HAO1: variants seen among roughly 807,000 people sequenced by gnomAD.
The protein encoded by HAO1 is 2-Hydroxyacid oxidase 1.
Under a neutral mutation model 39.7 loss-of-function variants are expected in HAO1, and 34 were observed. That is an observed-to-expected ratio of 0.86 (90% CI 0.65 to 1.14). The LOEUF is 1.14. Among genes scored for constraint, HAO1 ranks in the 50% most tolerant of loss-of-function variants. The pLI is 0.00. For synonymous variants in HAO1, 172 were observed against 173.2 expected (o/e 0.99, Z 0.05); for missense variants, 479 against 464.5 (o/e 1.03, Z -0.29).
At chr20:7,919,842 A>C (rs970426392) in intron 2 of HAO1, among the ~76,000 whole-genome samples, 10 of 152,114 alleles carry the variant, frequency 6.6e-5, no homozygotes, top group African/African-American at 2.4e-4. Flanking sequence ...ATTATTTGTT[A>C]ATCTTCTCCA....
intron 2 of HAO1, among the ~76,000 whole-genome samples, chr20:7,916,254 T>C (rs998721802): frequency 2.0e-4 from 31 of 152,278 alleles, no homozygotes; most frequent in Admixed American, 1.1e-3. Context: ...TATAAAACAG[T>C]CAAATCTGTT....
intron 2 of HAO1, among the ~76,000 whole-genome samples, chr20:7,923,629 G>A (rs575909226): frequency 3.3e-5 from 5 of 152,294 alleles, no homozygotes; most frequent in South Asian, 2.1e-4. Context: ...AGTGTCATGT[G>A]TGAAGACCTG....
chr20:7,940,275 A>G lies in HAO1; in HGVS notation c.137+11T>C. 6.3e-7 allele frequency: 1 copy of G among 1,587,952 alleles called. No individual in the cohort carries two copies. The highest frequency in any genetic ancestry group is 1.2e-5 in the South Asian group (1 of 86,714). On this transcript the variant is annotated intron_variant, in intron 1 of 7. Transcript: ENST00000378789. ...TTTTAAAACATGATTTTAAAAAATAAATTTTCTTACCTGGAAAATGCTGCA... is the reference window on the plus strand; with the variant it reads ...TTTTAAAACATGATTTTAAAAAATAGATTTTCTTACCTGGAAAATGCTGCA...
intron 2 of HAO1, among the ~76,000 whole-genome samples, chr20:7,923,121 A>G (rs759651843): frequency 6.6e-6 from 1 of 152,126 alleles, no homozygotes; most frequent in Non-Finnish European, 1.5e-5. Context: ...TTCCTATACT[A>G]TGGAACCTAC....
chr20:7,889,049 C>T (rs988888877), intron 5 of HAO1, among the ~76,000 whole-genome samples: 3 of 152,080 alleles, frequency 2.0e-5, no homozygotes, highest in African/African-American at 4.8e-5. Flanking sequence ...AGATCTCAGC[C>T]CAAATTGCCA....
intron 3 of HAO1, among the ~76,000 whole-genome samples, chr20:7,907,406 G>T (rs913458011): frequency 6.6e-6 from 1 of 152,110 alleles, no homozygotes; most frequent in African/African-American, 2.4e-5. Context: ...TTCTGCCTAA[G>T]TTCCCAGAAT....
intron 3 of HAO1, among the ~76,000 whole-genome samples, chr20:7,910,906 CT>C (rs2050276451): frequency 6.6e-6 from 1 of 152,182 alleles, no homozygotes; most frequent in Admixed American, 6.5e-5. Context: ...TGTTATCTTG[CT>C]CATATTTGCA....
At chr20:7,921,563 A>G (rs911592720) in intron 2 of HAO1, among the ~76,000 whole-genome samples, 2 of 152,142 alleles carry the variant, frequency 1.3e-5, no homozygotes, top group Non-Finnish European at 1.5e-5. Flanking sequence ...CAAAGACCTG[A>G]GAGTTTTTCT....
intron 3 of HAO1, among the ~76,000 whole-genome samples, chr20:7,908,894 C>A (rs1375070070): frequency 6.6e-6 from 1 of 152,120 alleles, no homozygotes; most frequent in Non-Finnish European, 1.5e-5. Context: ...TATTTCATTA[C>A]ATACAAATGA....
At chr20:7,931,005 T>A (rs1336060428) in intron 2 of HAO1, among the ~76,000 whole-genome samples, 1 of 152,208 alleles carries the variant, frequency 6.6e-6, no homozygotes, top group Non-Finnish European at 1.5e-5. Context: ...ATCAGCTTTC[T>A]GGATACACCT....
At chr20:7,933,586 C>T (rs1009334492) in intron 2 of HAO1, among the ~76,000 whole-genome samples, 2 of 152,178 alleles carry the variant, frequency 1.3e-5, no homozygotes, top group East Asian at 3.8e-4. Flanking sequence ...TTCTGATATC[C>T]CTGACAGAAT....
At chr20:7,889,683 T>G (rs1300657021) in intron 5 of HAO1, among the ~76,000 whole-genome samples, 1 of 152,222 alleles carries the variant, frequency 6.6e-6, no homozygotes. Context: ...AACTCTGTGA[T>G]TTATATTAGC....
At chr20:7,937,683 A>G (rs747731509) in intron 1 of HAO1, among the ~76,000 whole-genome samples, 5 of 152,206 alleles carry the variant, frequency 3.3e-5, no homozygotes, top group Non-Finnish European at 7.3e-5. Context: ...CAACGTGAAG[A>G]CCATAGTTGA....
chr20:7,939,994 A>G (rs2050433268), intron 1 of HAO1, among the ~76,000 whole-genome samples: 1 of 152,216 alleles, frequency 6.6e-6, no homozygotes, highest in South Asian at 2.1e-4. Flanking sequence ...AAGAAAAGTC[A>G]TCCGAATTTA....
chr20:7,909,213 T>C (rs1349486239), intron 3 of HAO1, among the ~76,000 whole-genome samples: 1 of 151,772 alleles, frequency 6.6e-6, no homozygotes, highest in South Asian at 2.1e-4. Flanking sequence ...CAGTGCACAA[T>C]GAAGCCTTGT....
At position 7,930,669 on chromosome 20, in the gene HAO1, G is replaced by A. The variant is rs1363450946; in HGVS notation, c.289+3815C>T. Among the ~76,000 whole-genome samples, 4 of 152,140 alleles carry A rather than the reference G, an allele frequency of 2.6e-5. 1 individual carries two copies. The highest frequency in any genetic ancestry group is 7.2e-5 in the African/African-American group (3 of 41,428). On this transcript the variant is annotated intron_variant, in intron 2 of 7. Coordinates refer to ENST00000378789, the MANE Select transcript of HAO1 (RefSeq NM_017545.3). ...GGCAACTGGGACTCAATCCTTCCAA[G>A]GAACACTGGGTGACCATATTAGAAA...
At chr20:7,907,389 A>C (rs2050253591) in intron 3 of HAO1, among the ~76,000 whole-genome samples, 1 of 152,140 alleles carries the variant, frequency 6.6e-6, no homozygotes. Flanking sequence ...ACTAACTCTG[A>C]GATAAATTCT....
At chr20:7,906,095 G>A in intron 4 of HAO1, 59 bp downstream of exon 4, 3 of 1,121,934 alleles carry the variant, frequency 2.7e-6, no homozygotes, top group Non-Finnish European at 4.1e-6. Context: ...AGAATATTAT[G>A]AACGTATCCA....
chr20:7,914,009 G>C (rs1448676965), intron 3 of HAO1, among the ~76,000 whole-genome samples, 155 bp downstream of exon 3: 1 of 152,112 alleles, frequency 6.6e-6, no homozygotes, highest in African/African-American at 2.4e-5. Context: ...TGTTTCTATT[G>C]TGTATCTCAA....
Sources: allele counts gnomAD v4.1 joint callset (sites outside exome capture counted in the v4.1 genomes callset), GRCh38; gene constraint gnomAD v4.1.1; transcripts MANE v1.5; gene names NCBI Gene and HGNC (gene_info 2026-07-23, HGNC 2026-07-21).